Variants in CFAP299 observed in about 807,000 individuals in gnomAD.
The protein encoded by CFAP299 is cilia and flagella associated protein 299.
Under a neutral mutation model 27.0 loss-of-function variants are expected in CFAP299, and 21 were observed. The ratio of observed to expected loss-of-function variants is 0.78; its 90% CI spans 0.55 to 1.12. CFAP299 has a LOEUF of 1.12. Ranked by LOEUF, CFAP299 falls within the 50% of genes most tolerant of loss-of-function variation. The pLI is 0.00. For missense variants in CFAP299, 310 were observed against 276.6 expected, an observed-to-expected ratio of 1.12 and a Z score of -0.86; for synonymous variants, 104 against 98.1, an observed-to-expected ratio of 1.06 and a Z score of -0.36.
At chr4:80,695,501 A>C (rs1405213153) in intron 3 of CFAP299, among the ~76,000 whole-genome samples, 2 of 152,174 alleles carry the variant, frequency 1.3e-5, no homozygotes, top group African/African-American at 4.8e-5. Flanking sequence ...ACCCGAATGG[A>C]TGTGGGCTTT....
chr4:80,453,841 A>AAATAATAATAAT (rs10692004), intron 2 of CFAP299, among the ~76,000 whole-genome samples: 170 of 135,978 alleles, frequency 1.3e-3, no homozygotes, highest in East Asian at 4.9e-3. Context: ...ACCCTGTCTC[A>AAATAATAATAAT]AATAATAATA....
intron 3 of CFAP299, among the ~76,000 whole-genome samples, chr4:80,855,080 G>C (rs1241411039): frequency 9.2e-5 from 14 of 152,032 alleles, no homozygotes. Flanking sequence ...TAGCTAGAAA[G>C]ACAAGTGATG....
intron 3 of CFAP299, among the ~76,000 whole-genome samples, chr4:80,845,472 C>T (rs866226234): frequency 3.3e-5 from 5 of 152,098 alleles, no homozygotes; most frequent in African/African-American, 1.2e-4. Flanking sequence ...CACATCATGC[C>T]TTCTCCACCC....
At chr4:80,397,452 T>C (rs1370137080) in intron 2 of CFAP299, among the ~76,000 whole-genome samples, 4 of 152,198 alleles carry the variant, frequency 2.6e-5, no homozygotes, top group African/African-American at 9.7e-5. Flanking sequence ...CTTGCTTCTC[T>C]AGTTCTTTTA....
chr4:80,379,482 ATTAGT>A (rs1724587325), intron 2 of CFAP299, among the ~76,000 whole-genome samples: 4 of 151,944 alleles, frequency 2.6e-5, no homozygotes, highest in Admixed American at 6.6e-5. Context: ...AATGTAGAAT[ATTAGT>A]TTATTGATTT....
intron 4 of CFAP299, chr4:80,872,055 A>G (rs1230302995): frequency 1.3e-5 from 2 of 151,830 alleles, no homozygotes; most frequent in Non-Finnish European, 2.9e-5. Context: ...ATTGTCCTCA[A>G]ATGTCTCACA....
intron 2 of CFAP299, among the ~76,000 whole-genome samples, chr4:80,478,590 C>T (rs1286841455): frequency 6.6e-6 from 1 of 151,782 alleles, no homozygotes; most frequent in Non-Finnish European, 1.5e-5. Context: ...CAAAAAGGGC[C>T]TGACATAATT....
intron 2 of CFAP299, among the ~76,000 whole-genome samples, chr4:80,378,361 C>A (rs1724529596): frequency 6.6e-6 from 1 of 151,886 alleles, no homozygotes. Context: ...ATAAATTAAA[C>A]CTTTTATTTC....
chr4:80,833,335 C>G (rs936430529), intron 3 of CFAP299, among the ~76,000 whole-genome samples: 2 of 152,008 alleles, frequency 1.3e-5, no homozygotes, highest in African/African-American at 2.4e-5. Flanking sequence ...TATTTGGGAA[C>G]CGAGAGCTCG....
intron 5 of CFAP299, among the ~76,000 whole-genome samples, chr4:80,960,794 T>G (rs753770241): frequency 6.6e-6 from 1 of 151,814 alleles, no homozygotes; most frequent in Non-Finnish European, 1.5e-5. Flanking sequence ...CACAAACATT[T>G]TAAAAGATGA....
At chr4:80,754,641 T>C (rs933140173) in intron 3 of CFAP299, among the ~76,000 whole-genome samples, 2 of 152,102 alleles carry the variant, frequency 1.3e-5, no homozygotes, top group African/African-American at 4.8e-5. Flanking sequence ...TGGTCTTTTT[T>C]GCAAGAAGAG....
chr4:80,534,101 G>A (rs1733608745), intron 2 of CFAP299, among the ~76,000 whole-genome samples: 1 of 151,924 alleles, frequency 6.6e-6, no homozygotes. Context: ...ACATACTTAA[G>A]ATTCTTGTAA....
At chr4:80,388,303 G>A (rs1223384952) in intron 2 of CFAP299, 17 of 687,232 alleles carry the variant, frequency 2.5e-5, no homozygotes, top group Non-Finnish European at 3.8e-5. Flanking sequence ...ACATGAGCAA[G>A]TCATTGCTTA....
At chr4:80,492,712 A>G (rs1357820574) in intron 2 of CFAP299, among the ~76,000 whole-genome samples, 1 of 152,226 alleles carries the variant, frequency 6.6e-6, no homozygotes, top group Non-Finnish European at 1.5e-5. Context: ...GACATTCACC[A>G]TTGAAAAGAT....
At chr4:80,538,594 T>C (rs1733857393) in intron 2 of CFAP299, among the ~76,000 whole-genome samples, 2 of 152,084 alleles carry the variant, frequency 1.3e-5, no homozygotes, top group Admixed American at 1.3e-4. Flanking sequence ...ACTGTACCTT[T>C]TATAAGTTTA....
intron 4 of CFAP299, among the ~76,000 whole-genome samples, chr4:80,898,758 C>T (rs1734737125): frequency 6.6e-6 from 1 of 151,972 alleles, no homozygotes; most frequent in Admixed American, 6.6e-5. Flanking sequence ...GGGTATGGAG[C>T]AAAACAATCC....
chr4:80,588,002 A>G (rs1736536689), intron 3 of CFAP299, among the ~76,000 whole-genome samples: 1 of 151,278 alleles, frequency 6.6e-6, no homozygotes, highest in South Asian at 2.1e-4. Flanking sequence ...CTGTTGTGGC[A>G]TGATGGAAGC....
At chr4:80,548,439 T>A (rs1734346925) in intron 2 of CFAP299, among the ~76,000 whole-genome samples, 1 of 152,152 alleles carries the variant, frequency 6.6e-6, no homozygotes, top group Non-Finnish European at 1.5e-5. Flanking sequence ...TCAGGTACTA[T>A]CCTCGCTACC....
chr4:80,742,678 T>C (rs1007767977), intron 3 of CFAP299, among the ~76,000 whole-genome samples: 6 of 152,160 alleles, frequency 3.9e-5, no homozygotes, highest in African/African-American at 7.2e-5. Flanking sequence ...AGAATGATGA[T>C]AATCAAAAGC....
Sources: gnomAD v4.1 joint callset for allele counts (sites outside exome capture counted in the v4.1 genomes callset) on GRCh38, gnomAD v4.1.1 for gene constraint, MANE v1.5 for transcripts, NCBI Gene and HGNC (gene_info 2026-07-23, HGNC 2026-07-21) for gene names.